Variants in PTK2 observed in about 807,000 individuals in gnomAD.
PTK2 encodes the protein protein tyrosine kinase 2, also known as focal adhesion kinase 1.
Under a neutral mutation model 150.1 loss-of-function variants are expected in PTK2, and 45 were observed. The observed-to-expected ratio is 0.30, with a 90% CI of 0.24 to 0.38. PTK2 has a LOEUF of 0.38. Ranked by LOEUF, PTK2 falls within the 10% of genes least tolerant of loss-of-function variation. The pLI, the probability that PTK2 is intolerant of heterozygous loss-of-function variation, is 1.00. For synonymous variants in PTK2, 432 were observed against 449.2 expected (o/e 0.96, Z 0.48); for missense variants, 919 against 1,307.3 (o/e 0.70, Z 4.58).
intron 5 of PTK2, among the ~76,000 whole-genome samples, chr8:140,848,704 A>G (rs2100127211): frequency 6.6e-6 from 1 of 152,174 alleles, no homozygotes; most frequent in Non-Finnish European, 1.5e-5. Context: ...AATAAGTCTC[A>G]ATTTAAAACC....
chr8:140,699,744 C>A (rs1237485873), intron 26 of PTK2, among the ~76,000 whole-genome samples: 1 of 151,836 alleles, frequency 6.6e-6, no homozygotes, highest in Non-Finnish European at 1.5e-5. Context: ...AATGACACTA[C>A]TAAAATTTTA....
chr8:140,751,486 T>C (rs996883777), intron 17 of PTK2, among the ~76,000 whole-genome samples: 4 of 151,590 alleles, frequency 2.6e-5, no homozygotes, highest in Non-Finnish European at 5.9e-5. Flanking sequence ...GATTTGTTCT[T>C]TTTCTTTCTT....
intron 2 of PTK2, among the ~76,000 whole-genome samples, chr8:140,898,145 A>G (rs1187206182): frequency 1.3e-5 from 2 of 152,202 alleles, no homozygotes; most frequent in African/African-American, 4.8e-5. Flanking sequence ...GAATTTCTAG[A>G]AAAAAGAAGT....
At chr8:140,723,856 TGTTA>T (rs2100044345) in intron 22 of PTK2, among the ~76,000 whole-genome samples, 1 of 152,212 alleles carries the variant, frequency 6.6e-6, no homozygotes, top group Non-Finnish European at 1.5e-5. Context: ...CTTTATTTAG[TGTTA>T]GTTTTATTTT....
exon 32 of PTK2, chr8:140,659,374 C>A: frequency 8.6e-7 from 1 of 1,157,366 alleles, no homozygotes; most frequent in Non-Finnish European, 1.2e-6. Flanking sequence ...TAAGTGCTGG[C>A]GACTGAGGAC....
intron 5 of PTK2, among the ~76,000 whole-genome samples, chr8:140,860,221 A>G (rs903770946): frequency 1.3e-5 from 2 of 152,090 alleles, no homozygotes; most frequent in Non-Finnish European, 2.9e-5. Flanking sequence ...CAACGCCTCT[A>G]ATTTCTTTCT....
At chr8:140,697,853 T>G (rs1025154972) in intron 26 of PTK2, among the ~76,000 whole-genome samples, 1 of 5,428 alleles carries the variant, frequency 1.8e-4, no homozygotes, top group African/African-American at 4.0e-4. Context: ...GGGTTTACTG[T>G]TTTTTTTTTT....
chr8:140,821,918 T>C (rs2100108830), intron 8 of PTK2: 2 of 152,254 alleles, frequency 1.3e-5, no homozygotes, highest in Admixed American at 6.5e-5. Context: ...CAGCCTCAGA[T>C]GCTCTATAAA....
At chr8:140,867,203 T>G (rs775891795) in intron 4 of PTK2, among the ~76,000 whole-genome samples, 1 of 152,018 alleles carries the variant, frequency 6.6e-6, no homozygotes, top group South Asian at 2.1e-4. Flanking sequence ...GGGTTTTCAT[T>G]TTTCATGATT....
chr8:140,889,386 C>T (rs1179726431), intron 3 of PTK2, among the ~76,000 whole-genome samples: 1 of 152,064 alleles, frequency 6.6e-6, no homozygotes, highest in African/African-American at 2.4e-5. Context: ...TGTGACACCA[C>T]ACCTGGCTAA....
chr8:140,827,936 G>A (rs952678395), intron 8 of PTK2, among the ~76,000 whole-genome samples: 44 of 152,180 alleles, frequency 2.9e-4, no homozygotes, highest in Admixed American at 1.3e-4. Flanking sequence ...GGAGGCCAAG[G>A]TGGGTGGATC....
At chr8:140,973,285 G>C (rs2100188037) in intron 1 of PTK2, among the ~76,000 whole-genome samples, 1 of 152,128 alleles carries the variant, frequency 6.6e-6, no homozygotes, top group African/African-American at 2.4e-5. Context: ...TGTTTACCTG[G>C]GGACCCTGAC....
At chr8:140,897,193 A>G (rs1374049379) in intron 2 of PTK2, among the ~76,000 whole-genome samples, 1 of 152,176 alleles carries the variant, frequency 6.6e-6, no homozygotes. Context: ...AAATATACCT[A>G]TGTGGCCCAA....
intron 22 of PTK2, among the ~76,000 whole-genome samples, chr8:140,724,668 C>T (rs1290641134): frequency 1.3e-5 from 2 of 152,124 alleles, no homozygotes; most frequent in Admixed American, 6.5e-5. Flanking sequence ...AAAAGTCAAG[C>T]GGGAACTGGC....
chr8:140,883,624 T>A (rs2100150529), intron 3 of PTK2, among the ~76,000 whole-genome samples: 1 of 152,214 alleles, frequency 6.6e-6, no homozygotes, highest in Non-Finnish European at 1.5e-5. Context: ...GAGGCTTTCA[T>A]CATTGGGTTA....
intron 21 of PTK2, among the ~76,000 whole-genome samples, chr8:140,737,306 T>C (rs1043306397): frequency 2.0e-5 from 3 of 152,172 alleles, no homozygotes; most frequent in South Asian, 4.1e-4. Flanking sequence ...TCTTGCTAAG[T>C]TGTCCAGGCT....
chr8:140,776,924 G>C (rs958199446), intron 14 of PTK2, among the ~76,000 whole-genome samples: 1 of 152,306 alleles, frequency 6.6e-6, no homozygotes, highest in South Asian at 2.1e-4. Context: ...GAGTGAAGTA[G>C]GAAGAATATG....
chr8:140,787,665 A>T (rs756096308), intron 14 of PTK2, among the ~76,000 whole-genome samples: 4 of 152,324 alleles, frequency 2.6e-5, no homozygotes, highest in Non-Finnish European at 5.9e-5. Flanking sequence ...ATTTTATTAC[A>T]TTTCATTACT....
chr8:140,849,868 T>C (rs914901217), intron 5 of PTK2, among the ~76,000 whole-genome samples: 13 of 152,208 alleles, frequency 8.5e-5, no homozygotes, highest in African/African-American at 2.9e-4. Context: ...CCCCGAAAAC[T>C]CCAGCTTTAG....
Sources: gnomAD v4.1 joint callset for allele counts (sites outside exome capture counted in the v4.1 genomes callset) on GRCh38, gnomAD v4.1.1 for gene constraint, MANE v1.5 for transcripts, NCBI Gene and HGNC (gene_info 2026-07-23, HGNC 2026-07-21) for gene names.